The following ABCA10 variants were observed in gnomAD, a reference collection of about 807,000 sequenced individuals.
The protein encoded by ABCA10 is ATP binding cassette subfamily A member 10.
Under a neutral mutation model 187.5 loss-of-function variants are expected in ABCA10, and 169 were observed. That is an observed-to-expected ratio of 0.90 (90% CI 0.80 to 1.02). ABCA10 has a LOEUF of 1.02. Ranked by LOEUF, ABCA10 falls within the 50% of genes least tolerant of loss-of-function variation. ABCA10 has a pLI of 0.00. For synonymous variants in ABCA10, 574 were observed against 601.8 expected, an observed-to-expected ratio of 0.95 and a Z score of 0.68; for missense variants, 1,727 against 1,812.4, an observed-to-expected ratio of 0.95 and a Z score of 0.86.
At chr17:69,170,368 T>C (rs758311007) in intron 25 of ABCA10, among the ~76,000 whole-genome samples, 2 of 151,748 alleles carry the variant, frequency 1.3e-5, no homozygotes, top group Non-Finnish European at 2.9e-5. Context: ...TCTTGCTTCT[T>C]TCACCTTTAT....
chr17:69,197,247 G>A (rs1425367771), intron 10 of ABCA10, 125 bp from the exon 11 acceptor site: 3 of 699,176 alleles, frequency 4.3e-6, no homozygotes, highest in Admixed American at 2.7e-5. Flanking sequence ...TGTAAGGAGG[G>A]CAGTAATAAA....
chr17:69,185,865 G>C (rs1305983660), intron 19 of ABCA10, among the ~76,000 whole-genome samples: 1 of 152,126 alleles, frequency 6.6e-6, no homozygotes, highest in Non-Finnish European at 1.5e-5. Flanking sequence ...AGAGCATCAA[G>C]AGAAAAGGTG....
At chr17:69,240,245 C>G (rs1395365544) in intron 1 of ABCA10, among the ~76,000 whole-genome samples, 1 of 152,172 alleles carries the variant, frequency 6.6e-6, no homozygotes. Context: ...CTCAGAAATA[C>G]CAGCACAACT....
At chr17:69,191,363 C>T (rs377449028) in intron 16 of ABCA10, 48 bp from the exon 17 acceptor site, 56 of 1,449,092 alleles carry the variant, frequency 3.9e-5, no homozygotes, top group Non-Finnish European at 5.0e-5. Flanking sequence ...TTTCCAACAC[C>T]ACCACTCATG....
intron 1 of ABCA10, among the ~76,000 whole-genome samples, chr17:69,242,496 G>A (rs1598137057): frequency 1.3e-5 from 2 of 152,054 alleles, no homozygotes; most frequent in East Asian, 1.9e-4. Flanking sequence ...ACAGAGTCTC[G>A]CTCTGCCGCC....
At chr17:69,243,117 G>A (rs536141725) in intron 1 of ABCA10, among the ~76,000 whole-genome samples, 3 of 152,284 alleles carry the variant, frequency 2.0e-5, no homozygotes, top group Middle Eastern at 3.4e-3. Flanking sequence ...AATTATCAAA[G>A]GGATAAATTT....
At chr17:69,197,405 G>T (rs1198303461) in intron 10 of ABCA10, among the ~76,000 whole-genome samples, 1 of 151,832 alleles carries the variant, frequency 6.6e-6, no homozygotes, top group Non-Finnish European at 1.5e-5. Context: ...AAGGAAAGAA[G>T]GAAGGGAGCG....
rs546674022 is a variant in ABCA10, at chr17:69,211,627, G to A, written c.1006+3077C>T. Among the ~76,000 whole-genome samples the A allele has an allele frequency of 3.3e-5, 5 of 151,332 alleles. 1 individual carries two copies. The highest frequency in any genetic ancestry group is 2.0e-4 in the East Asian group (1 of 5,102). On this transcript the variant is annotated intron_variant, in intron 9 of 38. Transcript: ENST00000690296. ...CTGTTCCTGGACTCTTTGGGGGCGGGGGGGAATATTTTAATTACCATTTCA... is the reference window on the plus strand; with the variant it reads ...CTGTTCCTGGACTCTTTGGGGGCGGAGGGGAATATTTTAATTACCATTTCA...
intron 1 of ABCA10, 89 bp from the exon 2 acceptor site, chr17:69,227,374 C>T (rs1303177292): frequency 6.6e-6 from 1 of 151,146 alleles, no homozygotes; most frequent in African/African-American, 2.4e-5. Context: ...CAACTAAATG[C>T]CTTATATGAC....
chr17:69,226,019 T>G (rs1351688089), intron 2 of ABCA10, among the ~76,000 whole-genome samples: 3 of 152,104 alleles, frequency 2.0e-5, no homozygotes, highest in Non-Finnish European at 2.9e-5. Flanking sequence ...CATTGGTTCC[T>G]GAACAAATCA....
intron 11 of ABCA10, among the ~76,000 whole-genome samples, chr17:69,195,767 G>A (rs1305839124): frequency 1.3e-5 from 2 of 151,610 alleles, no homozygotes; most frequent in Non-Finnish European, 2.9e-5. Context: ...TGACTCTTAA[G>A]GAGCATGCTG....
At chr17:69,176,991 C>A (rs1450802860) in intron 22 of ABCA10, among the ~76,000 whole-genome samples, 1 of 152,118 alleles carries the variant, frequency 6.6e-6, no homozygotes, top group East Asian at 1.9e-4. Context: ...TACCCTAAAT[C>A]TCTGCTTTTC....
At chr17:69,186,399 A>C (rs546596473) in intron 19 of ABCA10, among the ~76,000 whole-genome samples, 1 of 152,360 alleles carries the variant, frequency 6.6e-6, no homozygotes, top group South Asian at 2.1e-4. Context: ...TGAAGTAGAT[A>C]ATAGATCTTT....
upstream of ABCA10, among the ~76,000 whole-genome samples, chr17:69,230,413 CTG>C (rs1410415369): frequency 2.0e-5 from 3 of 152,054 alleles, no homozygotes; most frequent in African/African-American, 4.8e-5. Flanking sequence ...CACTCATTGT[CTG>C]TGTCCCTTGG....
intron 9 of ABCA10, among the ~76,000 whole-genome samples, chr17:69,205,605 C>T (rs772125967): frequency 1.6e-4 from 25 of 152,242 alleles, no homozygotes; most frequent in Non-Finnish European, 2.9e-4. Flanking sequence ...GTGTTCTTGG[C>T]CAGTCATGCA....
intron 19 of ABCA10, among the ~76,000 whole-genome samples, chr17:69,186,141 C>A (rs2074419085): frequency 6.6e-6 from 1 of 152,226 alleles, no homozygotes; most frequent in Admixed American, 6.5e-5. Context: ...TAGAAGTCAT[C>A]CCACCAACTC....
rs760251502 is a variant in ABCA10, at chr17:69,169,795, G to A, written c.3162+4486C>T. 1.6e-4 allele frequency among the ~76,000 whole-genome samples: 25 copies of A among 152,156 alleles called. No individual in the cohort carries two copies. In the South Asian group the frequency reaches 1.9e-3, roughly 11 times the overall value. On this transcript the variant is annotated intron_variant, in intron 25 of 38. Transcript: ENST00000690296. The stretch of plus-strand genomic sequence containing the variant: ...AAGGCATATAAACAGTGTTTCTTCC[G>A]TATGTACAAGAAAAATTTTCTGAAG...
intron 1 of ABCA10, among the ~76,000 whole-genome samples, chr17:69,235,256 T>C (rs1568079243): frequency 6.6e-6 from 1 of 152,190 alleles, no homozygotes; most frequent in African/African-American, 2.4e-5. Flanking sequence ...ACGTTTCCTA[T>C]TTTGTGGCTC....
intron 34 of ABCA10, among the ~76,000 whole-genome samples, chr17:69,152,704 T>C (rs2074139845): frequency 6.6e-6 from 1 of 152,014 alleles, no homozygotes; most frequent in Non-Finnish European, 1.5e-5. Flanking sequence ...AGTGGATCAC[T>C]TAAGCCCAGG....
Sources: gnomAD v4.1 joint callset for allele counts (sites outside exome capture counted in the v4.1 genomes callset) on GRCh38, gnomAD v4.1.1 for gene constraint, MANE v1.5 for transcripts, NCBI Gene and HGNC (gene_info 2026-07-23, HGNC 2026-07-21) for gene names.